Variants in NRG1 observed in about 807,000 individuals in gnomAD.
The protein encoded by NRG1 is neuregulin 1.
Under a neutral mutation model 63.8 loss-of-function variants are expected in NRG1, and 18 were observed. The ratio of observed to expected loss-of-function variants is 0.28; its 90% CI spans 0.19 to 0.42. The LOEUF is 0.42. NRG1 is among the 10% of genes least tolerant of loss of function. The probability of loss-of-function intolerance (pLI) is 1.00; values close to 1 mark genes in which losing one functional copy is unlikely to be tolerated. For synonymous variants in NRG1, 302 were observed against 301.3 expected, an observed-to-expected ratio of 1.00 and a Z score of -0.02; for missense variants, 762 against 814.7, an observed-to-expected ratio of 0.94 and a Z score of 0.79.
chr8:32,603,326 T>G lies in NRG1; in HGVS notation c.279-2236T>G, dbSNP rs78035498. Among the ~76,000 whole-genome samples, 262 of 152,278 alleles carry G rather than the reference T, an allele frequency of 1.7e-3. 2 individuals carry two copies. Among genetic ancestry groups the G allele is most frequent in the Non-Finnish European group, 2.7e-3 (181 of 68,010 alleles). ...GGGGAGTCAGAGTACAACAGCATAT[T>G]CAAGATGCTGAGAAATCCTGTGAGA... On this transcript the variant is annotated intron_variant, in intron 2 of 11. Transcript: ENST00000356819.
intron 1 of NRG1, among the ~76,000 whole-genome samples, chr8:32,582,867 C>A (rs1041439688): frequency 6.6e-6 from 1 of 152,180 alleles, no homozygotes; most frequent in Admixed American, 6.5e-5. Flanking sequence ...CAGTATTCTG[C>A]AAATTCTCAA....
chr8:32,539,292 G>A (rs1217083057), intron 1 of NRG1, among the ~76,000 whole-genome samples: 5 of 152,310 alleles, frequency 3.3e-5, no homozygotes, highest in Admixed American at 2.0e-4. Context: ...AACTCTGGTA[G>A]CAGGAGCTGG....
At chr8:31,733,503 A>G (rs1039655836) in intron 1 of NRG1, among the ~76,000 whole-genome samples, 3 of 152,172 alleles carry the variant, frequency 2.0e-5, no homozygotes, top group Admixed American at 1.3e-4. Flanking sequence ...CAGAGGCTAC[A>G]GTTTGGTGTA....
At chr8:32,692,520 T>A (rs1812023609) in intron 5 of NRG1, among the ~76,000 whole-genome samples, 1 of 152,198 alleles carries the variant, frequency 6.6e-6, no homozygotes. Flanking sequence ...GAAGGCTTCC[T>A]GGAAAAATTA....
chr8:32,559,085 A>G (rs1287614243), intron 1 of NRG1, among the ~76,000 whole-genome samples: 6 of 18,578 alleles, frequency 3.2e-4, no homozygotes, highest in East Asian at 7.6e-3. Context: ...GTCTCAGCGA[A>G]AAAAAAAAAA....
At chr8:32,469,203 C>T (rs1346917047) in intron 1 of NRG1, among the ~76,000 whole-genome samples, 1 of 152,162 alleles carries the variant, frequency 6.6e-6, no homozygotes, top group African/African-American at 2.4e-5. Context: ...CATGTGGCAT[C>T]ATTGAGAGAG....
intron 1 of NRG1, among the ~76,000 whole-genome samples, chr8:32,069,969 G>T (rs1383635247): frequency 6.6e-6 from 1 of 152,162 alleles, no homozygotes; most frequent in African/African-American, 2.4e-5. Context: ...ATCCTCGGTA[G>T]AGAGTCCTTT....
chr8:31,775,489 A>G (rs1819029581), intron 1 of NRG1, among the ~76,000 whole-genome samples: 3 of 152,188 alleles, frequency 2.0e-5, no homozygotes, highest in Admixed American at 2.0e-4. Context: ...TAGTATGTAC[A>G]GTGTTCGCTA....
chr8:32,407,947 C>T (rs1452838273), intron 1 of NRG1, among the ~76,000 whole-genome samples: 2 of 152,170 alleles, frequency 1.3e-5, no homozygotes, highest in Non-Finnish European at 2.9e-5. Context: ...TGAGAAGTCA[C>T]CAAGTTCAAA....
At chr8:31,790,477 A>G (rs184251994) in intron 1 of NRG1, among the ~76,000 whole-genome samples, 55 of 152,310 alleles carry the variant, frequency 3.6e-4, no homozygotes, top group Non-Finnish European at 5.9e-4. Flanking sequence ...AGATTTACCT[A>G]CATAATTTTA....
chr8:31,775,261 C>T (rs1180004998), intron 1 of NRG1, among the ~76,000 whole-genome samples: 5 of 152,096 alleles, frequency 3.3e-5, no homozygotes, highest in African/African-American at 4.8e-5. Flanking sequence ...ACAACTCAAC[C>T]GCAAAACAGA....
At chr8:32,538,593 T>C (rs1221477764) in intron 1 of NRG1, among the ~76,000 whole-genome samples, 3 of 152,190 alleles carry the variant, frequency 2.0e-5, no homozygotes, top group South Asian at 2.1e-4. Flanking sequence ...AATTAAGATA[T>C]AGCTAATACA....
chr8:32,584,387 C>A (rs1483509527), intron 1 of NRG1, among the ~76,000 whole-genome samples: 54 of 152,142 alleles, frequency 3.5e-4, no homozygotes, highest in Admixed American at 3.5e-3. Context: ...GTCCATGGAC[C>A]TGCTTAAGAG....
intron 1 of NRG1, among the ~76,000 whole-genome samples, chr8:31,890,201 C>A (rs117211909): frequency 0.049 from 7,418 of 152,232 alleles, 235 homozygotes; most frequent in Middle Eastern, 0.12. Context: ...ACAAAACCAG[C>A]ACTAGCTAAG....
chr8:32,602,248 AT>A (rs898966887), intron 2 of NRG1, among the ~76,000 whole-genome samples: 1 of 152,012 alleles, frequency 6.6e-6, no homozygotes, highest in Admixed American at 6.6e-5. Context: ...GCATAGAACC[AT>A]TTTTTTTAAA....
At chr8:31,688,153 T>C (rs1585673282) in intron 1 of NRG1, among the ~76,000 whole-genome samples, 1 of 152,256 alleles carries the variant, frequency 6.6e-6, no homozygotes, top group African/African-American at 2.4e-5. Flanking sequence ...GTTAAATCCA[T>C]GACTTTGGAG....
chr8:31,721,326 C>A (rs117207905), intron 1 of NRG1, among the ~76,000 whole-genome samples: 1 of 152,124 alleles, frequency 6.6e-6, no homozygotes, highest in African/African-American at 2.4e-5. Flanking sequence ...TTTGCTGCTG[C>A]ATTTGACACA....
intron 1 of NRG1, among the ~76,000 whole-genome samples, chr8:32,543,146 G>T (rs1262863538): frequency 6.6e-6 from 1 of 152,126 alleles, no homozygotes; most frequent in Non-Finnish European, 1.5e-5. Flanking sequence ...AAAATAAATG[G>T]ATACAAGGTT....
At chr8:31,999,887 A>G (rs1812643931) in intron 1 of NRG1, among the ~76,000 whole-genome samples, 1 of 151,968 alleles carries the variant, frequency 6.6e-6, no homozygotes, top group Non-Finnish European at 1.5e-5. Context: ...TCTAATTGGC[A>G]AAGTCTAAAT....
Sources: allele counts gnomAD v4.1 joint callset (sites outside exome capture counted in the v4.1 genomes callset), GRCh38; gene constraint gnomAD v4.1.1; transcripts MANE v1.5; gene names NCBI Gene and HGNC (gene_info 2026-07-23, HGNC 2026-07-21).